Variants in FREM1 observed in about 807,000 individuals in gnomAD.
The protein encoded by FREM1 is FRAS1-related extracellular matrix protein 1.
A neutral mutation model predicts 210.1 loss-of-function variants in FREM1; 220 were observed. The observed-to-expected ratio is 1.05, with a 90% CI of 0.94 to 1.17. The LOEUF (loss-of-function observed/expected upper bound fraction) is 1.17. Ranked by LOEUF, FREM1 falls within the 50% of genes most tolerant of loss-of-function variation. FREM1 has a pLI of 0.00. For synonymous variants in FREM1, 1,189 were observed against 980.2 expected, an observed-to-expected ratio of 1.21 and a Z score of -3.98; for missense variants, 3,454 against 2,675.5, an observed-to-expected ratio of 1.29 and a Z score of -6.42.
At chr9:14,784,324 A>C in intron 24 of FREM1, 46 bp downstream of exon 24, 1 of 1,561,362 alleles carries the variant, frequency 6.4e-7, no homozygotes, top group Non-Finnish European at 8.7e-7. Context: ...CTTTTCTGTA[A>C]GTATTAATCC....
chr9:14,811,179 C>A (rs1458561927), intron 16 of FREM1, among the ~76,000 whole-genome samples: 3 of 152,136 alleles, frequency 2.0e-5, no homozygotes, highest in African/African-American at 7.2e-5. Flanking sequence ...TTCCTTCTAA[C>A]TTAGTAACAT....
chr9:14,799,108 G>C (rs925853958), intron 20 of FREM1, among the ~76,000 whole-genome samples: 3 of 152,124 alleles, frequency 2.0e-5, no homozygotes, highest in Non-Finnish European at 2.9e-5. Context: ...GGGAGACCCT[G>C]TCTCTACAAA....
At chr9:14,865,698 T>TGTGTGTGTGTGTGTGTGCGC (rs759644257) in intron 2 of FREM1, among the ~76,000 whole-genome samples, 4 of 150,524 alleles carry the variant, frequency 2.7e-5, no homozygotes, top group African/African-American at 9.8e-5. Flanking sequence ...TGTGTGTGTG[T>TGTGTGTGTGTGTGTGTGCGC]GCACATGCAC....
rs1817327859 is a variant in FREM1, at chr9:14,801,738, T to C, written c.3608A>G (p.Lys1203Arg). ...TGGCTGCTTATTCTCAGAGAAGTCTTTGCTAAACCCCCTATCGATGAGGAG... is the reference window on the plus strand; with the variant it reads ...TGGCTGCTTATTCTCAGAGAAGTCTCTGCTAAACCCCCTATCGATGAGGAG... Reference protein sequence around the residue: ...HGLLIDRGFSKDFSENKQPAN... With the variant: ...HGLLIDRGFSRDFSENKQPAN... Residue 1203 changes from lysine (K) to arginine (R), a missense_variant, in exon 20 of 37, where the codon AAA becomes AGA. Physicochemically the swap from Lys to Arg is conservative, Grantham distance 26. Transcript: ENST00000380880. The C allele has an allele frequency of 6.2e-7, 1 of 1,613,986 alleles. No individual in the cohort carries two copies. The highest frequency in any genetic ancestry group is 8.5e-7 in the Non-Finnish European group (1 of 1,179,872).
Position 14,750,107 on chromosome 9 carries a change from G to A in FREM1, c.5557+20C>T, listed in dbSNP as rs1554639710. On this transcript the variant is annotated intron_variant, in intron 30 of 36. Coordinates refer to ENST00000380880, the MANE Select transcript of FREM1 (RefSeq NM_001379081.2). ...GCGCCAGGACCGCTCCTGATTTCAA[G>A]ATGAGGATCAAAAGAATACCTCCTT... 1.9e-6 allele frequency: 3 copies of A among 1,612,446 alleles called. No individual in the cohort carries two copies. The highest frequency in any genetic ancestry group is 8.5e-7 in the Non-Finnish European group (1 of 1,179,400).
intron 20 of FREM1, among the ~76,000 whole-genome samples, chr9:14,798,499 C>T (rs918335914): frequency 1.3e-5 from 2 of 151,984 alleles, no homozygotes; most frequent in Admixed American, 1.3e-4. Flanking sequence ...GTCATAGCTG[C>T]TCAAGAGGCT....
rs1461135873 is a variant in FREM1 at position 14,910,352 on chromosome 9, C to T, written c.-706G>A. On this transcript the variant is annotated 5_prime_UTR_variant, in exon 1 of 37. Transcript: ENST00000380880. ...GCTGGTTGGGTCCGCAGGGACAAAA[C>T]TGAGCTTTTGTTAATGAGGTCGGTT... 1.3e-5 allele frequency: 2 copies of T among 152,338 alleles called. No individual in the cohort carries two copies. Among genetic ancestry groups the T allele is most frequent in the Non-Finnish European group, 1.5e-5 (1 of 68,134 alleles). The allele number at this position is 152,338 out of a possible 1,614,324, so 9.4% of individuals were successfully genotyped here.
intron 1 of FREM1, among the ~76,000 whole-genome samples, chr9:14,896,125 C>A (rs569551255): frequency 1.3e-5 from 2 of 149,244 alleles, no homozygotes; most frequent in East Asian, 4.7e-4. Context: ...CCAAAACTCA[C>A]CAAAATCAAG....
intron 35 of FREM1, 22 bp from the exon 36 acceptor site, chr9:14,740,256 AG>A: frequency 1.9e-6 from 3 of 1,539,022 alleles, no homozygotes; most frequent in Non-Finnish European, 1.8e-6. Context: ...TGAAAATGAG[AG>A]TATCAGCAAC....
intron 23 of FREM1, among the ~76,000 whole-genome samples, chr9:14,787,151 T>C (rs1314105215): frequency 2.0e-5 from 3 of 152,174 alleles, no homozygotes; most frequent in East Asian, 1.9e-4. Flanking sequence ...AACAACCAAA[T>C]GCTCAACTTT....
chr9:14,739,470 ATATAT>A (rs1563802112), intron 36 of FREM1, among the ~76,000 whole-genome samples: 4,257 of 133,156 alleles, frequency 0.032, 210 homozygotes, highest in African/African-American at 0.12. Context: ...ATATATATAT[ATATAT>A]AATTCATATA....
chr9:14,757,436 T>C (rs1403700432), intron 28 of FREM1, among the ~76,000 whole-genome samples: 1 of 152,088 alleles, frequency 6.6e-6, no homozygotes, highest in Non-Finnish European at 1.5e-5. Context: ...CCGCCTGTAA[T>C]CCCACCTCCT....
Position 14,756,447 on chromosome 9 carries a change from C to T in FREM1, c.5335-1G>A. The stretch of plus-strand genomic sequence containing the variant: ...CAACTGCAGCTGACACTTGGTTGAC[C>T]TTAGGAGGGAAAAAAAAATCTTTTT... On this transcript the variant is annotated splice_acceptor_variant, in intron 28 of 36. Transcript: ENST00000380880. LOFTEE classifies it high-confidence loss of function. 2 of 1,586,270 alleles carry T rather than the reference C, an allele frequency of 1.3e-6. No homozygotes were observed. Among genetic ancestry groups the T allele is most frequent in the Non-Finnish European group, 8.6e-7 (1 of 1,165,452 alleles).
At chr9:14,885,418 A>T (rs2132252686) in intron 1 of FREM1, among the ~76,000 whole-genome samples, 1 of 151,966 alleles carries the variant, frequency 6.6e-6, no homozygotes, top group South Asian at 2.1e-4. Flanking sequence ...GATGTACAAC[A>T]TGATTTTTGT....
chr9:14,905,760 G>A (rs1271274783), intron 1 of FREM1, among the ~76,000 whole-genome samples: 2 of 152,148 alleles, frequency 1.3e-5, no homozygotes, highest in African/African-American at 2.4e-5. Context: ...TCATGGCAGT[G>A]CACGCCTGTA....
chr9:14,784,447 G>A lies in FREM1; in HGVS notation c.4365C>T (p.Phe1455=), dbSNP rs370099735. 2.7e-5 allele frequency: 43 copies of A among 1,613,900 alleles called. No homozygotes were observed. The African/African-American group carries it at 5.1e-4, about 19-fold the overall frequency. The change falls in exon 24 of 37, where the codon TTC becomes TTT. Residue 1455 remains phenylalanine (F), a synonymous_variant. Coordinates refer to ENST00000380880, the MANE Select transcript of FREM1 (RefSeq NM_001379081.2). Reference sequence around the variant, plus strand: ...TCTGCCCCACTACATCCATTTGGCTGAAGTTTGTAATGGGAACTCCAGGAT... The same window carrying A: ...TCTGCCCCACTACATCCATTTGGCTAAAGTTTGTAATGGGAACTCCAGGAT... ...VHYPGVPITN[F]SQMDVVGQTV... is the part of the protein sequence containing the mutation.
Position 14,737,380 on chromosome 9 carries a change from G to C in FREM1, c.*16C>G, listed in dbSNP as rs748147334. 9.3e-6 allele frequency: 15 copies of C among 1,605,376 alleles called. No homozygotes were observed. The South Asian group carries it at 1.7e-4, about 18-fold the overall frequency. On this transcript the variant is annotated 3_prime_UTR_variant, in exon 37 of 37. Coordinates refer to ENST00000380880, the MANE Select transcript of FREM1 (RefSeq NM_001379081.2). ...GGTGACAAACTCCAGGTGGCCCCCT[G>C]TAGGGTCTGTTATATTTAGAGTTTT...
Position 14,746,477 on chromosome 9 carries a change from C to G in FREM1, c.6139-9G>C, listed in dbSNP as rs1268778509. On this transcript the variant is annotated splice_polypyrimidine_tract_variant and intron_variant, in intron 34 of 36. Transcript: ENST00000380880. The stretch of plus-strand genomic sequence containing the variant: ...GATTTGTCTTCCACATCCTGAAAAA[C>G]AGTTGTCTGTGTTCATATCATAATG... 1.2e-6 allele frequency: 2 copies of G among 1,603,134 alleles called. No homozygotes were observed. Among genetic ancestry groups the G allele is most frequent in the Non-Finnish European group, 1.7e-6 (2 of 1,170,182 alleles).
chr9:14,778,430 G>A (rs1045771789), intron 24 of FREM1, among the ~76,000 whole-genome samples: 4 of 150,858 alleles, frequency 2.7e-5, no homozygotes, highest in African/African-American at 9.8e-5. Flanking sequence ...GGGTAACATG[G>A]CAAAACCCTT....
Sources: gnomAD v4.1 joint callset for allele counts (sites outside exome capture counted in the v4.1 genomes callset) on GRCh38, gnomAD v4.1.1 for gene constraint, MANE v1.5 for transcripts, NCBI Gene and HGNC (gene_info 2026-07-23, HGNC 2026-07-21) for gene names.